The following ADAMTS17 variants were observed in gnomAD, a reference collection of about 807,000 sequenced individuals.
ADAMTS17 encodes the protein ADAM metallopeptidase with thrombospondin type 1 motif 17.
Under a neutral mutation model 141.5 loss-of-function variants are expected in ADAMTS17, and 113 were observed. That is an observed-to-expected ratio of 0.80 (90% CI 0.69 to 0.93). ADAMTS17 has a LOEUF of 0.93. ADAMTS17 is among the 40% of genes least tolerant of loss of function. The pLI is 0.00. For missense variants in ADAMTS17, 1,659 were observed against 1,517.9 expected (o/e 1.09, Z -1.54); for synonymous variants, 768 against 630.6 (o/e 1.22, Z -3.27).
intron 6 of ADAMTS17, among the ~76,000 whole-genome samples, chr15:100,260,601 G>A (rs2043482294): frequency 7.2e-6 from 1 of 138,896 alleles, no homozygotes; most frequent in African/African-American, 2.7e-5. Flanking sequence ...GGGCAACAGA[G>A]GAGACTCCAT....
intron 14 of ADAMTS17, among the ~76,000 whole-genome samples, chr15:100,105,507 C>G (rs986372703): frequency 6.6e-5 from 10 of 152,074 alleles, no homozygotes; most frequent in Non-Finnish European, 1.2e-4. Context: ...CAATGTCACT[C>G]CCATCACATC....
intron 3 of ADAMTS17, chr15:100,306,126 C>G: frequency 4.2e-6 from 1 of 240,694 alleles, no homozygotes; most frequent in South Asian, 5.6e-5. Context: ...TCTCTGATCC[C>G]TCTGCACAGT....
At chr15:100,240,837 CTTTTT>C (rs1355494760) in intron 7 of ADAMTS17, among the ~76,000 whole-genome samples, 1 of 152,172 alleles carries the variant, frequency 6.6e-6, no homozygotes, top group Non-Finnish European at 1.5e-5. Flanking sequence ...TCTGGCTTTT[CTTTTT>C]TGAGACAGAG....
chr15:99,987,610 C>T (rs371956478), intron 20 of ADAMTS17, among the ~76,000 whole-genome samples: 148 of 152,272 alleles, frequency 9.7e-4, no homozygotes, highest in Middle Eastern at 3.4e-3. Flanking sequence ...ATAAACCATA[C>T]GGCAAACGTA....
At chr15:100,319,900 A>G (rs2045679085) in intron 3 of ADAMTS17, among the ~76,000 whole-genome samples, 1 of 152,198 alleles carries the variant, frequency 6.6e-6, no homozygotes, top group Admixed American at 6.5e-5. Flanking sequence ...ACTGCACTCC[A>G]GCCTGGGCAG....
intron 8 of ADAMTS17, among the ~76,000 whole-genome samples, chr15:100,177,559 T>G (rs1386523895): frequency 6.6e-6 from 1 of 152,228 alleles, no homozygotes; most frequent in African/African-American, 2.4e-5. Context: ...GCTTTGTGCC[T>G]CAGGATATAG....
chr15:100,296,634 T>C (rs2044832319), intron 3 of ADAMTS17, among the ~76,000 whole-genome samples: 1 of 151,686 alleles, frequency 6.6e-6, no homozygotes, highest in Non-Finnish European at 1.5e-5. Flanking sequence ...CACGCGCACG[T>C]GCATTTACGA....
At chr15:100,087,967 C>G (rs573153317) in intron 15 of ADAMTS17, among the ~76,000 whole-genome samples, 1 of 152,092 alleles carries the variant, frequency 6.6e-6, no homozygotes, top group Non-Finnish European at 1.5e-5. Context: ...CTATTCAACA[C>G]AATGTTTGAA....
chr15:100,104,671 A>T (rs1276628707), intron 14 of ADAMTS17, among the ~76,000 whole-genome samples: 1 of 152,226 alleles, frequency 6.6e-6, no homozygotes, highest in Non-Finnish European at 1.5e-5. Flanking sequence ...GTGCTGTCTC[A>T]TATAAAATGT....
intron 15 of ADAMTS17, among the ~76,000 whole-genome samples, chr15:100,084,173 A>G (rs2034936200): frequency 6.6e-6 from 1 of 152,230 alleles, no homozygotes; most frequent in Admixed American, 6.5e-5. Flanking sequence ...TGGGCTTAAC[A>G]AATGGCACAC....
intron 15 of ADAMTS17, among the ~76,000 whole-genome samples, chr15:100,064,044 A>T (rs1191982065): frequency 1.3e-5 from 2 of 152,150 alleles, no homozygotes. Context: ...TCAGCATGTG[A>T]CCACTGCAGA....
At chr15:99,980,435 C>T (rs1196966778) in intron 20 of ADAMTS17, 1 of 152,302 alleles carries the variant, frequency 6.6e-6, no homozygotes, top group Non-Finnish European at 1.5e-5. Flanking sequence ...ACAGTGCCGC[C>T]TCTACTGCAA....
intron 6 of ADAMTS17, among the ~76,000 whole-genome samples, chr15:100,258,560 G>A (rs927848354): frequency 1.3e-5 from 2 of 152,198 alleles, no homozygotes; most frequent in Non-Finnish European, 2.9e-5. Flanking sequence ...GGCAGGGGAA[G>A]AGAGCTTGTG....
At chr15:100,144,593 G>A (rs1358003329) in intron 10 of ADAMTS17, among the ~76,000 whole-genome samples, 2 of 151,840 alleles carry the variant, frequency 1.3e-5, no homozygotes, top group Non-Finnish European at 1.5e-5. Context: ...TGGCAGTCAC[G>A]GGTATGGCTA....
At chr15:100,115,426 G>A (rs768110202) in intron 13 of ADAMTS17, among the ~76,000 whole-genome samples, 1 of 152,174 alleles carries the variant, frequency 6.6e-6, no homozygotes, top group Non-Finnish European at 1.5e-5. Flanking sequence ...TACATTACAC[G>A]GTCCCCAAAG....
chr15:100,222,845 G>A (rs946818098), intron 7 of ADAMTS17, among the ~76,000 whole-genome samples: 4 of 152,150 alleles, frequency 2.6e-5, no homozygotes, highest in Non-Finnish European at 5.9e-5. Flanking sequence ...CGAATGCTAC[G>A]GACCAGGCAG....
intron 7 of ADAMTS17, among the ~76,000 whole-genome samples, chr15:100,247,901 C>A (rs149737338): frequency 1.3e-5 from 2 of 152,126 alleles, no homozygotes; most frequent in Admixed American, 1.3e-4. Context: ...GCACTTCCTC[C>A]ACCCACACGC....
Position 99,974,295 on chromosome 15 carries a change from G to T in ADAMTS17, c.*107C>A, listed in dbSNP as rs970324633. 4.1e-6 allele frequency: 6 copies of T among 1,455,232 alleles called. No individual in the cohort carries two copies. The highest frequency in any genetic ancestry group is 5.7e-6 in the Non-Finnish European group (6 of 1,045,026). The allele number at this position is 1,455,232 out of a possible 1,614,324, so 90.1% of individuals were successfully genotyped here. On this transcript the variant is annotated 3_prime_UTR_variant, in exon 22 of 22. Coordinates refer to ENST00000268070, the MANE Select transcript of ADAMTS17 (RefSeq NM_139057.4). The stretch of plus-strand genomic sequence containing the variant: ...TCCACGCTCATGTTCTATGTAGTTG[G>T]ATTCTTGTGGCAGCCGGGTGGGGGC...
chr15:100,283,200 G>T (rs1421086100), intron 3 of ADAMTS17, among the ~76,000 whole-genome samples: 1 of 152,312 alleles, frequency 6.6e-6, no homozygotes, highest in Non-Finnish European at 1.5e-5. Flanking sequence ...TGCAGGATGG[G>T]CCTCCTCCCT....
Sources: gnomAD v4.1 joint callset for allele counts (sites outside exome capture counted in the v4.1 genomes callset) on GRCh38, gnomAD v4.1.1 for gene constraint, MANE v1.5 for transcripts, NCBI Gene and HGNC (gene_info 2026-07-23, HGNC 2026-07-21) for gene names.